Variants in TJP2 observed in about 807,000 individuals in gnomAD.
The protein encoded by TJP2 is Friedreich ataxia region gene X104 (tight junction protein ZO-2).
A neutral mutation model predicts 133.1 loss-of-function variants in TJP2; 91 were observed. The ratio of observed to expected loss-of-function variants is 0.68; its 90% CI spans 0.58 to 0.81. The LOEUF is 0.81. TJP2 is among the 40% of genes least tolerant of loss of function. TJP2 has a pLI of 0.00. For synonymous variants in TJP2, 592 were observed against 583.4 expected, an observed-to-expected ratio of 1.01 and a Z score of -0.21; for missense variants, 1,541 against 1,565.6, an observed-to-expected ratio of 0.98 and a Z score of 0.26.
At chr9:69,236,304 C>T (rs998304799) in intron 13 of TJP2, 66 bp downstream of exon 13, 1 of 1,518,696 alleles carries the variant, frequency 6.6e-7, no homozygotes, top group Non-Finnish European at 9.1e-7. Context: ...TAGAGACCGC[C>T]CCCCTTCCCC....
At chr9:69,160,665 G>T (rs1222116601) in intron 2 of TJP2, among the ~76,000 whole-genome samples, 2 of 152,214 alleles carry the variant, frequency 1.3e-5, no homozygotes, top group Non-Finnish European at 2.9e-5. Context: ...TCATGCTGCT[G>T]ATAAAGACAT....
chr9:69,129,225 T>G lies in TJP2; in HGVS notation c.-131+7500T>G, dbSNP rs148425890. Among the ~76,000 whole-genome samples the G allele has an allele frequency of 3.3e-3, 497 of 152,364 alleles. 2 individuals carry two copies. The highest frequency in any genetic ancestry group is 0.011 in the African/African-American group (475 of 41,582). On this transcript the variant is annotated intron_variant, in intron 1 of 5. Transcript: ENST00000423935. ...TAAACTCTTTCACCAAAATATTTAT[T>G]GATTAACATCTGTCAGGGCCAGATG...
intron 17 of TJP2, among the ~76,000 whole-genome samples, chr9:69,242,217 C>T (rs1563953203): frequency 1.3e-5 from 2 of 152,156 alleles, no homozygotes; most frequent in Admixed American, 6.5e-5. Context: ...GCACAGGCCA[C>T]GGTAGCTGGC....
intron 1 of TJP2, among the ~76,000 whole-genome samples, chr9:69,183,577 C>G (rs183589474): frequency 6.6e-4 from 101 of 152,266 alleles, no homozygotes; most frequent in African/African-American, 2.2e-3. Flanking sequence ...CTTATCTCTT[C>G]TGTTGATAGG....
chr9:69,171,948 A>G (rs1824708735), upstream of TJP2, among the ~76,000 whole-genome samples: 1 of 152,052 alleles, frequency 6.6e-6, no homozygotes, highest in African/African-American at 2.4e-5. Context: ...GGCGTGCGCC[A>G]CCACGCCCAG....
intron 2 of TJP2, among the ~76,000 whole-genome samples, chr9:69,159,235 C>G (rs1823934337): frequency 1.3e-5 from 2 of 151,866 alleles, no homozygotes; most frequent in South Asian, 4.2e-4. Context: ...AAGATAACAT[C>G]ACTTGCGACC....
intron 1 of TJP2, among the ~76,000 whole-genome samples, chr9:69,128,756 G>A (rs138984885): frequency 0.069 from 10,561 of 152,152 alleles, 512 homozygotes; most frequent in South Asian, 0.1. Flanking sequence ...TCAATCTCCT[G>A]ACCTCGTGAT....
At chr9:69,140,713 G>A (rs17061543) in intron 1 of TJP2, among the ~76,000 whole-genome samples, 8,491 of 152,210 alleles carry the variant, frequency 0.056, 372 homozygotes, top group East Asian at 0.23. Context: ...ACACCTCATC[G>A]CTCATGTGCT....
intron 14 of TJP2, 97 bp downstream of exon 14, chr9:69,237,233 T>C (rs1238185777): frequency 1.4e-6 from 2 of 1,405,908 alleles, no homozygotes; most frequent in African/African-American, 1.4e-5. Flanking sequence ...AACTTATGTA[T>C]GTCAGTTATG....
intron 1 of TJP2, among the ~76,000 whole-genome samples, chr9:69,180,932 A>T (rs1027727859): frequency 3.9e-5 from 6 of 152,186 alleles, no homozygotes; most frequent in Non-Finnish European, 8.8e-5. Context: ...TCATCTTGGT[A>T]ACCCCAGAAG....
intron 1 of TJP2, among the ~76,000 whole-genome samples, chr9:69,150,561 GT>G (rs1823423921): frequency 1.3e-5 from 2 of 152,048 alleles, no homozygotes; most frequent in Admixed American, 6.5e-5. Context: ...GCCTTCCAAA[GT>G]GCTGGGATTA....
intron 5 of TJP2, among the ~76,000 whole-genome samples, chr9:69,224,420 G>A (rs1829162131): frequency 6.6e-6 from 1 of 152,152 alleles, no homozygotes; most frequent in Non-Finnish European, 1.5e-5. Flanking sequence ...GCTCACACCT[G>A]TAATCCTAGC....
At chr9:69,214,095 T>C (rs1041328917) in intron 2 of TJP2, among the ~76,000 whole-genome samples, 4 of 152,154 alleles carry the variant, frequency 2.6e-5, no homozygotes, top group African/African-American at 9.7e-5. Context: ...GATACATATA[T>C]ATATTTTTGA....
At chr9:69,144,132 T>C (rs1823118535) in intron 1 of TJP2, among the ~76,000 whole-genome samples, 1 of 152,060 alleles carries the variant, frequency 6.6e-6, no homozygotes, top group East Asian at 1.9e-4. Context: ...CCTCCTAAAG[T>C]GCTAGGAGTA....
At chr9:69,146,813 G>A (rs1433030841) in intron 1 of TJP2, among the ~76,000 whole-genome samples, 1 of 152,028 alleles carries the variant, frequency 6.6e-6, no homozygotes, top group African/African-American at 2.4e-5. Context: ...CATCCCACAA[G>A]GTACAGGACA....
At chr9:69,220,799 G>C in intron 4 of TJP2, 88 bp from the exon 5 acceptor site, 1 of 1,368,968 alleles carries the variant, frequency 7.3e-7, no homozygotes, top group Non-Finnish European at 1.0e-6. Flanking sequence ...CGGTTTTCCT[G>C]AAACCAGAAC....
intron 2 of TJP2, among the ~76,000 whole-genome samples, chr9:69,164,332 A>G (rs1824238992): frequency 6.6e-6 from 1 of 152,168 alleles, no homozygotes; most frequent in Admixed American, 6.5e-5. Flanking sequence ...AAAGCAATTC[A>G]GGAATGCAGA....
At chr9:69,137,483 C>T (rs1412010702) in intron 1 of TJP2, among the ~76,000 whole-genome samples, 3 of 151,764 alleles carry the variant, frequency 2.0e-5, no homozygotes, top group East Asian at 1.9e-4. Flanking sequence ...TCGCCTCAGC[C>T]TCCTGAGTAG....
chr9:69,189,279 T>A (rs1417699725), intron 1 of TJP2, among the ~76,000 whole-genome samples: 2 of 152,158 alleles, frequency 1.3e-5, no homozygotes, highest in Non-Finnish European at 2.9e-5. Context: ...TGGAAAGACC[T>A]AGGAAGTCTC....
Sources: gnomAD v4.1 joint callset for allele counts (sites outside exome capture counted in the v4.1 genomes callset) on GRCh38, gnomAD v4.1.1 for gene constraint, MANE v1.5 for transcripts, NCBI Gene and HGNC (gene_info 2026-07-23, HGNC 2026-07-21) for gene names.